Variants in USP49 observed in about 807,000 individuals in gnomAD.
USP49 encodes ubiquitin carboxyl-terminal hydrolase 49.
In USP49, 24 loss-of-function variants were observed where a neutral mutation model predicts 58.6. That is an observed-to-expected ratio of 0.41 (90% CI 0.30 to 0.58). USP49 has a LOEUF of 0.58. USP49 is among the 20% of genes least tolerant of loss of function. USP49 has a pLI of 0.30. For missense variants in USP49, 703 were observed against 866.1 expected, an observed-to-expected ratio of 0.81 and a Z score of 2.36; for synonymous variants, 408 against 365.1, an observed-to-expected ratio of 1.12 and a Z score of -1.34.
chr6:41,816,702 C>CTATTATTATTATTAT lies in USP49; in HGVS notation c.-28-9706_-28-9692dup, dbSNP rs10631115. Among the ~76,000 whole-genome samples, 603 of 149,632 alleles carry CTATTATTATTATTAT rather than the reference C, an allele frequency of 4.0e-3. 7 individuals are homozygous for CTATTATTATTATTAT. Among genetic ancestry groups the CTATTATTATTATTAT allele is most frequent in the African/African-American group, 0.014 (564 of 40,702 alleles). On this transcript the variant is annotated intron_variant, in intron 3 of 7. Transcript: ENST00000682992. Reference sequence around the variant, plus strand: ...GTGTACTCACACAGAGTTCCACACTCTATTATTATTATTATTATTTTATTT... The same window carrying CTATTATTATTATTAT: ...GTGTACTCACACAGAGTTCCACACTCTATTATTATTATTATTATTATTATTATTATTATTTTATTT...
In USP49 at chr6:41,792,398, A is replaced by T. The variant is rs1247348885; in HGVS notation, c.*4135T>A. On this transcript the variant is annotated 3_prime_UTR_variant, in exon 8 of 8. Coordinates refer to ENST00000682992, the MANE Select transcript of USP49 (RefSeq NM_001286554.2). ...TGCTATATGTTGCCCAGCATTAGTC[A>T]TTGTTTTGATAAAGACTAAAAGGCC... 6.6e-6 allele frequency: 1 copy of T among 152,226 alleles called. No individual in the cohort carries two copies. The highest frequency in any genetic ancestry group is 1.5e-5 in the Non-Finnish European group (1 of 68,036). 9.4% of individuals were successfully genotyped at this position (152,226 alleles called of 1,614,324 possible). A position where few individuals can be genotyped will look rare whatever the true frequency, so the allele number is the denominator to read the frequency against.
At chr6:41,890,672 A>AATAATAATC (rs989866599) in intron 2 of USP49, among the ~76,000 whole-genome samples, 1 of 152,180 alleles carries the variant, frequency 6.6e-6, no homozygotes, top group Non-Finnish European at 1.5e-5. Flanking sequence ...ATTCTGTCTC[A>AATAATAATC]ATAATAATCA....
chr6:41,807,741 C>T (rs987006616), intron 3 of USP49, among the ~76,000 whole-genome samples: 1 of 151,546 alleles, frequency 6.6e-6, no homozygotes, highest in Admixed American at 6.6e-5. Flanking sequence ...CGTGCACAGC[C>T]GTATATGTGT....
intron 2 of USP49, among the ~76,000 whole-genome samples, chr6:41,882,683 G>A (rs1431088581): frequency 2.0e-5 from 3 of 152,222 alleles, no homozygotes; most frequent in East Asian, 3.9e-4. Context: ...TTGGGAGGCC[G>A]AGGCGGGCAC....
At position 41,850,843 on chromosome 6, in the gene USP49, C is replaced by T. The variant is rs1043093044; in HGVS notation, c.-29+20721G>A. Among the ~76,000 whole-genome samples, 11 of 151,946 alleles carry T rather than the reference C, an allele frequency of 7.2e-5. No individual in the cohort carries two copies. In the East Asian group the frequency reaches 1.2e-3, roughly 16 times the overall value. ...GTCTCGATCTCTTGACCTCCTGATC[C>T]GCCCACCTCGACCTCCCAAAGTGCT... On this transcript the variant is annotated intron_variant, in intron 3 of 7. Transcript: ENST00000682992.
At chr6:41,812,476 G>A (rs941022626) in intron 3 of USP49, among the ~76,000 whole-genome samples, 1 of 151,468 alleles carries the variant, frequency 6.6e-6, no homozygotes, top group Non-Finnish European at 1.5e-5. Flanking sequence ...GGCGGATCAC[G>A]AGGTCAGGAG....
intron 2 of USP49, among the ~76,000 whole-genome samples, chr6:41,885,701 A>G (rs1026436583): frequency 6.6e-6 from 1 of 152,174 alleles, no homozygotes; most frequent in Non-Finnish European, 1.5e-5. Flanking sequence ...GAGGAGGCTG[A>G]GGCAGAATGG....
chr6:41,809,321 G>C (rs10947989), intron 3 of USP49, among the ~76,000 whole-genome samples: 5 of 151,666 alleles, frequency 3.3e-5, no homozygotes, highest in Non-Finnish European at 4.4e-5. Flanking sequence ...TCAGGAGCTC[G>C]AGACCAGACT....
chr6:41,798,339 T>C (rs935371129), intron 7 of USP49: 8 of 230,770 alleles, frequency 3.5e-5, no homozygotes, highest in African/African-American at 1.6e-4. Flanking sequence ...AGTGGCATAA[T>C]CTTGGCTCAC....
chr6:41,845,825 A>G (rs964588379), intron 3 of USP49, among the ~76,000 whole-genome samples: 1 of 152,010 alleles, frequency 6.6e-6, no homozygotes, highest in Non-Finnish European at 1.5e-5. Flanking sequence ...TTTAGACTTT[A>G]GGGGATTTTG....
At chr6:41,877,999 C>T (rs1017352678) in intron 2 of USP49, among the ~76,000 whole-genome samples, 3 of 151,948 alleles carry the variant, frequency 2.0e-5, no homozygotes, top group Admixed American at 6.6e-5. Flanking sequence ...GGCTCCAGGG[C>T]TCAAGCGACC....
At chr6:41,817,807 G>A (rs531448228) in intron 3 of USP49, among the ~76,000 whole-genome samples, 1 of 151,978 alleles carries the variant, frequency 6.6e-6, no homozygotes, top group Non-Finnish European at 1.5e-5. Flanking sequence ...GTAGAGACAG[G>A]GTTTCACTGT....
chr6:41,810,805 C>T lies in USP49; in HGVS notation c.-28-3794G>A, dbSNP rs967073919. On this transcript the variant is annotated intron_variant, in intron 3 of 7. Transcript: ENST00000682992. ...CAGGTGATCCTGAGGTCAGGTGACC[C>T]GCCTCAGCCTCCCAAAGTGCTGGGA... is the stretch of plus-strand genomic sequence containing the variant. 1.4e-4 allele frequency among the ~76,000 whole-genome samples: 22 copies of T among 151,988 alleles called. 1 individual carries two copies. In the East Asian group the frequency reaches 3.7e-3, roughly 26 times the overall value.
intron 3 of USP49, among the ~76,000 whole-genome samples, chr6:41,846,536 G>A (rs1232777813): frequency 1.3e-5 from 2 of 152,104 alleles, no homozygotes; most frequent in Admixed American, 1.3e-4. Context: ...CCTTCCTAGA[G>A]AGGAACAATA....
chr6:41,811,691 T>C (rs1050474437), intron 3 of USP49, among the ~76,000 whole-genome samples: 6 of 152,236 alleles, frequency 3.9e-5, no homozygotes, highest in Non-Finnish European at 7.3e-5. Flanking sequence ...CAGTCTGGAA[T>C]AGTATTGAAA....
At chr6:41,825,581 T>A (rs749121132) in intron 3 of USP49, among the ~76,000 whole-genome samples, 2 of 152,224 alleles carry the variant, frequency 1.3e-5, no homozygotes, top group Non-Finnish European at 2.9e-5. Context: ...GTGAGGTATA[T>A]CCTTAGCAAA....
intron 3 of USP49, among the ~76,000 whole-genome samples, chr6:41,869,225 G>C (rs553167556): frequency 6.6e-6 from 1 of 151,964 alleles, no homozygotes; most frequent in African/African-American, 2.4e-5. Context: ...AACAGTATCA[G>C]AGATAATCTT....
chr6:41,887,723 A>G (rs1774738862), intron 2 of USP49, among the ~76,000 whole-genome samples: 1 of 152,262 alleles, frequency 6.6e-6, no homozygotes, highest in Non-Finnish European at 1.5e-5. Context: ...GGCACGGAGT[A>G]GCAGACATTT....
intron 4 of USP49, among the ~76,000 whole-genome samples, chr6:41,804,989 C>T (rs897253313): frequency 1.3e-5 from 2 of 152,192 alleles, no homozygotes; most frequent in African/African-American, 4.8e-5. Flanking sequence ...CTCAGGTGAT[C>T]CACCCACCTT....
Sources: gnomAD v4.1 joint callset for allele counts (sites outside exome capture counted in the v4.1 genomes callset) on GRCh38, gnomAD v4.1.1 for gene constraint, MANE v1.5 for transcripts, NCBI Gene and HGNC (gene_info 2026-07-23, HGNC 2026-07-21) for gene names.